Variants in TCF4 observed in about 807,000 individuals in gnomAD.
TCF4 encodes the protein SL3-3 enhancer factor 2.
A neutral mutation model predicts 82.1 loss-of-function variants in TCF4; 3 were observed. The ratio of observed to expected loss-of-function variants is 0.04; its 90% CI spans 0.02 to 0.09. The LOEUF is 0.09. TCF4 is among the 10% of genes least tolerant of loss of function. TCF4 has a pLI of 1.00. For synonymous variants in TCF4, 276 were observed against 309.6 expected (o/e 0.89, Z 1.14); for missense variants, 518 against 852.7 (o/e 0.61, Z 4.89).
At chr18:55,619,467 A>G (rs978887001) in intron 2 of TCF4, among the ~76,000 whole-genome samples, 1 of 152,114 alleles carries the variant, frequency 6.6e-6, no homozygotes, top group African/African-American at 2.4e-5. Flanking sequence ...CTATTTCAGT[A>G]TATTCAAGTT....
chr18:55,324,381 T>C (rs1418666763), intron 8 of TCF4, among the ~76,000 whole-genome samples: 1 of 152,242 alleles, frequency 6.6e-6, no homozygotes, highest in Non-Finnish European at 1.5e-5. Context: ...GCTTGTCAAC[T>C]GAGACATTTC....
chr18:55,273,738 T>C (rs1055325380), intron 10 of TCF4, among the ~76,000 whole-genome samples: 1 of 152,210 alleles, frequency 6.6e-6, no homozygotes, highest in Non-Finnish European at 1.5e-5. Context: ...ATTGCAAATA[T>C]GGCTTCTGAT....
At chr18:55,332,644 T>C (rs746851787) in intron 8 of TCF4, among the ~76,000 whole-genome samples, 6 of 152,224 alleles carry the variant, frequency 3.9e-5, no homozygotes, top group Admixed American at 1.3e-4. Context: ...ATCTTTCCAA[T>C]GGCAGAAACA....
intron 3 of TCF4, among the ~76,000 whole-genome samples, chr18:55,531,727 C>A (rs1452610491): frequency 1.3e-5 from 2 of 152,138 alleles, no homozygotes; most frequent in Admixed American, 1.3e-4. Context: ...CCAATAAAGC[C>A]TAGAAAAGTT....
chr18:55,402,741 C>T (rs2958178), intron 6 of TCF4, among the ~76,000 whole-genome samples: 77,359 of 152,066 alleles, frequency 0.51, 21,829 homozygotes, highest in African/African-American at 0.78. Context: ...TAGCTATTGA[C>T]AGTATTTTTA....
At chr18:55,499,637 A>T (rs1243762702) in intron 3 of TCF4, among the ~76,000 whole-genome samples, 1 of 152,164 alleles carries the variant, frequency 6.6e-6, no homozygotes, top group African/African-American at 2.4e-5. Context: ...TTATTCTCCA[A>T]GCTCCCCAAG....
chr18:55,301,935 C>T (rs756811763), intron 8 of TCF4, among the ~76,000 whole-genome samples: 1 of 151,986 alleles, frequency 6.6e-6, no homozygotes, highest in East Asian at 1.9e-4. Flanking sequence ...CTAAGTAAAC[C>T]GTTTCTGAGA....
intron 3 of TCF4, among the ~76,000 whole-genome samples, chr18:55,511,013 G>A (rs991835522): frequency 4.6e-5 from 7 of 152,016 alleles, no homozygotes; most frequent in Non-Finnish European, 7.4e-5. Context: ...TCCTTCAACC[G>A]TTCAACATGC....
chr18:55,370,474 T>TAGATAGATAGAC (rs374194674), intron 6 of TCF4, among the ~76,000 whole-genome samples: 10 of 147,512 alleles, frequency 6.8e-5, no homozygotes, highest in Non-Finnish European at 1.1e-4. Context: ...GATAGATAGA[T>TAGATAGATAGAC]AGACAGACAT....
chr18:55,619,627 T>G (rs2097715676), intron 2 of TCF4, among the ~76,000 whole-genome samples: 1 of 152,220 alleles, frequency 6.6e-6, no homozygotes, highest in East Asian at 1.9e-4. Context: ...GATATAGTTT[T>G]AAAAAGTGCC....
At position 55,321,500 on chromosome 18, in the gene TCF4, A is replaced by T. The variant is rs1029923581; in HGVS notation, c.549+28859T>A. The T allele has an allele frequency of 1.7e-5, 17 of 976,940 alleles. No individual in the cohort carries two copies. In the African/African-American group the frequency reaches 2.7e-4, roughly 16 times the overall value. The allele number at this position is 976,940 out of a possible 1,614,324, so 60.5% of individuals were successfully genotyped here. On this transcript the variant is annotated intron_variant, in intron 8 of 19. Coordinates refer to ENST00000354452, the MANE Select transcript of TCF4 (RefSeq NM_001083962.2). ...GGGGGAAAAAAAGACGAAGGAGAAG[A>T]AGTAGGCAAGAAGAAGATCTTAGGA...
intron 5 of TCF4, among the ~76,000 whole-genome samples, chr18:55,457,163 C>T (rs2095775757): frequency 6.6e-6 from 1 of 152,208 alleles, no homozygotes. Flanking sequence ...AAAGGCTATT[C>T]ACACCTATTT....
rs764429881 is a variant in TCF4, at chr18:55,257,381, A to G, written c.1080T>C (p.Ala360=). The G allele has an allele frequency of 1.9e-6, 3 of 1,613,726 alleles. No individual in the cohort carries two copies. Among genetic ancestry groups the G allele is most frequent in the Admixed American group, 3.3e-5 (2 of 60,004 alleles). ...GSPPSLSAGT[A]VWSRNGGQAS... ...CCTGTCCTCCATTTCTAGACCAAAC[A>G]GCTGTGCCTGCTGATATTAAAGTGG... The change falls in exon 14 of 20, where the codon GCT becomes GCC. Residue 360 remains alanine, a synonymous_variant. Transcript: ENST00000354452.
intron 15 of TCF4, among the ~76,000 whole-genome samples, chr18:55,243,396 T>TATTG (rs1360011830): frequency 6.6e-6 from 1 of 152,194 alleles, no homozygotes; most frequent in Non-Finnish European, 1.5e-5. Flanking sequence ...ATGTGTGTAT[T>TATTG]ATTGGCCCAA....
At chr18:55,300,987 C>T (rs955093919) in intron 8 of TCF4, among the ~76,000 whole-genome samples, 1 of 152,114 alleles carries the variant, frequency 6.6e-6, no homozygotes, top group Non-Finnish European at 1.5e-5. Context: ...AAGCAGATCA[C>T]AGGCCCAGAG....
intron 6 of TCF4, among the ~76,000 whole-genome samples, chr18:55,365,249 G>GTA (rs375008306): frequency 0.08 from 10,126 of 127,132 alleles, 441 homozygotes; most frequent in East Asian, 0.19. Flanking sequence ...ATATGTGTGT[G>GTA]TATATATATA....
rs1569192661 is a variant in TCF4, at chr18:55,362,435, A to AAGGAAGG, written c.370-11433_370-11432insCCTTCCT. On this transcript the variant is annotated intron_variant, in intron 6 of 19. Coordinates refer to ENST00000354452, the MANE Select transcript of TCF4 (RefSeq NM_001083962.2). ...GAAGGAAGGAAGGAAGGAAGGAAGG[A>AAGGAAGG]AAAAAAAAAAGAAGAAAACATGTAT... Among the ~76,000 whole-genome samples the AAGGAAGG allele has an allele frequency of 1.0e-3, 128 of 122,312 alleles. 4 individuals are homozygous for AAGGAAGG. Among genetic ancestry groups the AAGGAAGG allele is most frequent in the African/African-American group, 3.8e-3 (109 of 28,646 alleles). The allele number at this position is 122,312 out of a possible 152,430, so 80.2% of individuals were successfully genotyped here. A position where few individuals can be genotyped will look rare whatever the true frequency, so the allele number is the denominator to read the frequency against.
chr18:55,259,858 A>T (rs761941950), intron 13 of TCF4, 91 bp downstream of exon 13: 1 of 1,089,694 alleles, frequency 9.2e-7, no homozygotes, highest in Non-Finnish European at 1.4e-6. Context: ...TTTGGGGGGA[A>T]GTGAGTTTCC....
intron 8 of TCF4, among the ~76,000 whole-genome samples, chr18:55,338,680 A>T (rs1269418926): frequency 6.6e-6 from 1 of 152,202 alleles, no homozygotes; most frequent in African/African-American, 2.4e-5. Flanking sequence ...TTAGGGAGGA[A>T]GATGAGAGTG....
Sources: allele counts gnomAD v4.1 joint callset (sites outside exome capture counted in the v4.1 genomes callset), GRCh38; gene constraint gnomAD v4.1.1; transcripts MANE v1.5; gene names NCBI Gene and HGNC (gene_info 2026-07-23, HGNC 2026-07-21).